Variants in SPIDR observed in about 807,000 individuals in gnomAD.
SPIDR encodes the protein scaffold protein involved in DNA repair.
Under a neutral mutation model 104.6 loss-of-function variants are expected in SPIDR, and 93 were observed. That is an observed-to-expected ratio of 0.89 (90% CI 0.75 to 1.06). SPIDR has a LOEUF of 1.06. SPIDR is among the 50% of genes least tolerant of loss of function. The pLI, the probability that SPIDR is intolerant of heterozygous loss-of-function variation, is 0.00. For synonymous variants in SPIDR, 431 were observed against 416.9 expected (o/e 1.03, Z -0.41); for missense variants, 1,154 against 1,111.2 (o/e 1.04, Z -0.55).
chr8:47,319,520 A>G (rs568230574), intron 5 of SPIDR, among the ~76,000 whole-genome samples: 1 of 152,298 alleles, frequency 6.6e-6, no homozygotes, highest in East Asian at 1.9e-4. Flanking sequence ...CCCACTATCA[A>G]CATTAGACAG....
At chr8:47,305,817 C>T (rs2043004037) in intron 5 of SPIDR, among the ~76,000 whole-genome samples, 1 of 152,138 alleles carries the variant, frequency 6.6e-6, no homozygotes, top group African/African-American at 2.4e-5. Flanking sequence ...TTTTAAAATA[C>T]ACATAACATA....
intron 8 of SPIDR, among the ~76,000 whole-genome samples, chr8:47,465,357 A>G (rs921393425): frequency 6.6e-6 from 1 of 152,184 alleles, no homozygotes; most frequent in African/African-American, 2.4e-5. Flanking sequence ...TCAGATCCAC[A>G]CATATCAATA....
At chr8:47,651,716 C>T (rs1202791396) in intron 10 of SPIDR, among the ~76,000 whole-genome samples, 4 of 152,092 alleles carry the variant, frequency 2.6e-5, no homozygotes, top group Non-Finnish European at 4.4e-5. Context: ...CCATCCATCA[C>T]ACAATGAGTA....
intron 5 of SPIDR, among the ~76,000 whole-genome samples, chr8:47,394,690 C>G (rs1554656983): frequency 6.6e-6 from 1 of 152,106 alleles, no homozygotes; most frequent in African/African-American, 2.4e-5. Context: ...CTTAAGACAT[C>G]TCATAACAGA....
At chr8:47,316,659 T>C (rs1385163719) in intron 5 of SPIDR, among the ~76,000 whole-genome samples, 2 of 152,102 alleles carry the variant, frequency 1.3e-5, no homozygotes, top group Non-Finnish European at 2.9e-5. Context: ...AATTGATACA[T>C]AATGGAAGAA....
intron 7 of SPIDR, among the ~76,000 whole-genome samples, chr8:47,426,158 G>A (rs2154337273): frequency 6.6e-6 from 1 of 152,260 alleles, no homozygotes; most frequent in African/African-American, 2.4e-5. Context: ...GGAGGCTGAG[G>A]CAGGAGAGTC....
intron 4 of SPIDR, among the ~76,000 whole-genome samples, chr8:47,292,375 T>G (rs2040069132): frequency 6.6e-6 from 1 of 152,196 alleles, no homozygotes; most frequent in Non-Finnish European, 1.5e-5. Context: ...ATTTTAAGAT[T>G]GTATATAAGC....
chr8:47,719,630 G>A (rs1199728363), intron 16 of SPIDR, among the ~76,000 whole-genome samples: 1 of 152,164 alleles, frequency 6.6e-6, no homozygotes, highest in East Asian at 1.9e-4. Context: ...CAGGCACTGG[G>A]CTAACAAGGG....
At chr8:47,586,263 AG>A (rs1233549638) in intron 8 of SPIDR, among the ~76,000 whole-genome samples, 1 of 152,174 alleles carries the variant, frequency 6.6e-6, no homozygotes, top group Non-Finnish European at 1.5e-5. Flanking sequence ...TACAAATGCT[AG>A]GTTGTTTGGT....
intron 11 of SPIDR, among the ~76,000 whole-genome samples, chr8:47,685,658 G>A (rs1032063341): frequency 3.3e-5 from 5 of 151,186 alleles, no homozygotes; most frequent in African/African-American, 4.9e-5. Flanking sequence ...AGGTTCAAGC[G>A]ATTCTCCTGT....
intron 7 of SPIDR, among the ~76,000 whole-genome samples, chr8:47,418,456 T>C (rs1241757013): frequency 6.6e-6 from 1 of 152,200 alleles, no homozygotes; most frequent in Non-Finnish European, 1.5e-5. Flanking sequence ...TTGTGATTTT[T>C]GCAAATTGAT....
rs1563978895 is a variant in SPIDR, at chr8:47,440,315, AC to A, written c.878-7del. The stretch of plus-strand genomic sequence containing the variant: ...CATTTTTGCTTTGTTCTTTTCTTCA[AC>A]TTCTAGGTAGAAAATCTGGTGTATT... On this transcript the variant is annotated splice_polypyrimidine_tract_variant and splice_region_variant and intron_variant, in intron 7 of 19. Transcript: ENST00000297423. 6.2e-7 allele frequency: 1 copy of A among 1,612,132 alleles called. No individual in the cohort carries two copies. The highest frequency in any genetic ancestry group is 1.1e-5 in the South Asian group (1 of 91,010).
At chr8:47,708,726 T>C (rs1383467390) in intron 14 of SPIDR, among the ~76,000 whole-genome samples, 1 of 152,184 alleles carries the variant, frequency 6.6e-6, no homozygotes, top group African/African-American at 2.4e-5. Context: ...ACCATCTCCA[T>C]AGTTTTGCCT....
At chr8:47,509,259 C>G (rs2081960251) in intron 8 of SPIDR, among the ~76,000 whole-genome samples, 1 of 152,160 alleles carries the variant, frequency 6.6e-6, no homozygotes, top group African/African-American at 2.4e-5. Context: ...CATTCCTGTT[C>G]TTGTAGAAAT....
intron 10 of SPIDR, among the ~76,000 whole-genome samples, chr8:47,624,450 T>G (rs2065678283): frequency 6.6e-6 from 1 of 152,122 alleles, no homozygotes; most frequent in South Asian, 2.1e-4. Flanking sequence ...ATCCAGGACC[T>G]GGTTTTTTGA....
chr8:47,685,326 C>A (rs1410962925), intron 11 of SPIDR, among the ~76,000 whole-genome samples: 1 of 151,920 alleles, frequency 6.6e-6, no homozygotes, highest in Non-Finnish European at 1.5e-5. Flanking sequence ...TACCTTGCAG[C>A]ACAGTAAGTC....
At chr8:47,389,006 C>T (rs2060261047) in intron 5 of SPIDR, among the ~76,000 whole-genome samples, 1 of 152,154 alleles carries the variant, frequency 6.6e-6, no homozygotes, top group Non-Finnish European at 1.5e-5. Context: ...GATATTTACT[C>T]ACTAAATCAG....
intron 11 of SPIDR, among the ~76,000 whole-genome samples, chr8:47,681,069 CAAAA>C (rs897188710): frequency 1.3e-5 from 2 of 152,140 alleles, no homozygotes; most frequent in Non-Finnish European, 2.9e-5. Flanking sequence ...TCTCAAAAAA[CAAAA>C]AGAGAGAGAG....
At chr8:47,547,953 T>C (rs2089731932) in intron 8 of SPIDR, 1 of 156,590 alleles carries the variant, frequency 6.4e-6, no homozygotes. Flanking sequence ...AAAGAGCTCA[T>C]ATATGCATTT....
Sources: gnomAD v4.1 joint callset for allele counts (sites outside exome capture counted in the v4.1 genomes callset) on GRCh38, gnomAD v4.1.1 for gene constraint, MANE v1.5 for transcripts, NCBI Gene and HGNC (gene_info 2026-07-23, HGNC 2026-07-21) for gene names.